The following DSCAML1 variants were observed in gnomAD, a reference collection of about 807,000 sequenced individuals.
DSCAML1 encodes the protein cell adhesion molecule DSCAML1.
DSCAML1 carries 38 observed loss-of-function variants against 200.5 expected under a neutral mutation model. That is an observed-to-expected ratio of 0.19 (90% CI 0.15 to 0.25). The LOEUF (loss-of-function observed/expected upper bound fraction) is 0.25, where lower values mean the gene tolerates loss of function less well. Ranked by LOEUF, DSCAML1 falls within the 10% of genes least tolerant of loss-of-function variation. The pLI, the probability that DSCAML1 is intolerant of heterozygous loss-of-function variation, is 1.00. For missense variants in DSCAML1, 2,223 were observed against 2,858.8 expected, an observed-to-expected ratio of 0.78 and a Z score of 5.07; for synonymous variants, 1,215 against 1,165.0, an observed-to-expected ratio of 1.04 and a Z score of -0.87.
intron 3 of DSCAML1, among the ~76,000 whole-genome samples, chr11:117,636,839 C>G (rs537685236): frequency 1.4e-4 from 21 of 152,286 alleles, no homozygotes; most frequent in Admixed American, 3.3e-4. Context: ...ATGAAAAGAG[C>G]CTGGTACAGT....
intron 3 of DSCAML1, among the ~76,000 whole-genome samples, chr11:117,762,438 G>GT (rs1005236591): frequency 8.6e-5 from 13 of 151,740 alleles, no homozygotes; most frequent in South Asian, 2.1e-4. Flanking sequence ...CTGTCAATAA[G>GT]TTTTTTTTTC....
At chr11:117,653,543 T>A (rs1390741353) in intron 3 of DSCAML1, among the ~76,000 whole-genome samples, 1 of 152,090 alleles carries the variant, frequency 6.6e-6, no homozygotes, top group Non-Finnish European at 1.5e-5. Context: ...TAGGTGAGGA[T>A]TTAAGAGAGG....
At chr11:117,793,158 T>G (rs2055505738) in intron 1 of DSCAML1, among the ~76,000 whole-genome samples, 1 of 152,132 alleles carries the variant, frequency 6.6e-6, no homozygotes, top group African/African-American at 2.4e-5. Context: ...ATATGCAGAT[T>G]ATATGCAAAT....
intron 4 of DSCAML1, among the ~76,000 whole-genome samples, chr11:117,529,590 G>A (rs761584472): frequency 2.9e-4 from 44 of 152,002 alleles, no homozygotes; most frequent in Non-Finnish European, 5.0e-4. Flanking sequence ...CCCACCCCCA[G>A]CAACTTTAGC....
intron 1 of DSCAML1, among the ~76,000 whole-genome samples, chr11:117,795,521 C>CG (rs1264018376): frequency 6.6e-6 from 1 of 151,740 alleles, no homozygotes; most frequent in Non-Finnish European, 1.5e-5. Flanking sequence ...GAGTGCGATG[C>CG]GGGGGGCAAG....
rs773361546 is a variant in DSCAML1 at position 117,807,812 on chromosome 11, T to G, written c.-250+9578A>C. On this transcript the variant is annotated intron_variant, in intron 1 of 2. Coordinates refer to the DSCAML1 transcript ENST00000525836. ...AAGGGTTTCTCCTTTGAAAACTCAGTCTGGTTCTGGCTTTCGTCGGAGTTA... is the reference window on the plus strand; with the variant it reads ...AAGGGTTTCTCCTTTGAAAACTCAGGCTGGTTCTGGCTTTCGTCGGAGTTA... 3.2e-4 allele frequency among the ~76,000 whole-genome samples: 49 copies of G among 152,164 alleles called. 1 individual carries two copies. Among genetic ancestry groups the G allele is most frequent in the Non-Finnish European group, 8.8e-5 (6 of 68,022 alleles).
intron 7 of DSCAML1, among the ~76,000 whole-genome samples, chr11:117,517,493 G>A (rs1204570960): frequency 1.3e-5 from 2 of 152,080 alleles, no homozygotes; most frequent in African/African-American, 2.4e-5. Flanking sequence ...TCCAGGGCCC[G>A]ACTGGGAAAT....
At chr11:117,808,827 A>G (rs1271095552) in intron 1 of DSCAML1, among the ~76,000 whole-genome samples, 1 of 152,106 alleles carries the variant, frequency 6.6e-6, no homozygotes, top group Non-Finnish European at 1.5e-5. Context: ...TCCCTCACCC[A>G]CTTTACATGT....
chr11:117,547,034 A>G (rs1383814457), intron 3 of DSCAML1, among the ~76,000 whole-genome samples: 1 of 152,142 alleles, frequency 6.6e-6, no homozygotes, highest in Non-Finnish European at 1.5e-5. Flanking sequence ...CTGAGAGAGG[A>G]AGATGAAAAA....
chr11:117,603,380 G>A (rs1366111615), intron 3 of DSCAML1, among the ~76,000 whole-genome samples: 3 of 152,218 alleles, frequency 2.0e-5, no homozygotes, highest in East Asian at 3.9e-4. Context: ...ACATGGTGGC[G>A]AAGAGCTCTG....
intron 3 of DSCAML1, among the ~76,000 whole-genome samples, chr11:117,741,738 C>T (rs1447014762): frequency 1.3e-5 from 2 of 152,218 alleles, no homozygotes; most frequent in East Asian, 3.9e-4. Flanking sequence ...CCCCATGAAG[C>T]TGCAGGCCTC....
intron 17 of DSCAML1, among the ~76,000 whole-genome samples, chr11:117,464,323 T>A (rs1056065864): frequency 2.0e-5 from 3 of 152,220 alleles, no homozygotes; most frequent in Admixed American, 2.0e-4. Context: ...TGGTGCGGGC[T>A]CAGGTACCAG....
intron 3 of DSCAML1, among the ~76,000 whole-genome samples, chr11:117,704,913 C>T (rs1035989056): frequency 6.6e-6 from 1 of 152,068 alleles, no homozygotes; most frequent in Non-Finnish European, 1.5e-5. Flanking sequence ...ACTGGAAAAG[C>T]ATTTCCATTT....
chr11:117,505,439 C>T lies in DSCAML1; in HGVS notation c.2062+15G>A. On this transcript the variant is annotated intron_variant, in intron 9 of 32. Coordinates refer to ENST00000651296, the MANE Select transcript of DSCAML1 (RefSeq NM_020693.4). This position sits in a 1 kb window ranked among gnomAD's most constrained non-coding sequence, Gnocchi z 6.7. ...GGGCTCCTCCCTCCCCTGAGGCTGG[C>T]CTGTCCCTGCTCACCACGCACGATG... 7 of 1,604,630 alleles carry T rather than the reference C, an allele frequency of 4.4e-6. No homozygotes were observed. Among genetic ancestry groups the T allele is most frequent in the Non-Finnish European group, 4.2e-6 (5 of 1,178,048 alleles).
intron 1 of DSCAML1, among the ~76,000 whole-genome samples, chr11:117,794,032 G>GCC (rs11301503): frequency 4.2e-4 from 60 of 142,696 alleles, no homozygotes; most frequent in African/African-American, 9.6e-4. Flanking sequence ...TTTCCCCATT[G>GCC]CCCCCCCCCC....
chr11:117,710,008 C>T (rs1256185965), intron 3 of DSCAML1, among the ~76,000 whole-genome samples: 1 of 152,200 alleles, frequency 6.6e-6, no homozygotes, highest in African/African-American at 2.4e-5. Flanking sequence ...GCTGTTGGGG[C>T]AAGGATGGCT....
At chr11:117,485,240 T>C (rs2049021385) in intron 11 of DSCAML1, among the ~76,000 whole-genome samples, 2 of 152,210 alleles carry the variant, frequency 1.3e-5, no homozygotes, top group African/African-American at 4.8e-5. Context: ...GCCTTTCTAG[T>C]CAGCTTTGTT....
At chr11:117,512,891 G>C (rs1043806788) in intron 8 of DSCAML1, among the ~76,000 whole-genome samples, 6 of 151,868 alleles carry the variant, frequency 4.0e-5, no homozygotes, top group Non-Finnish European at 7.4e-5. Context: ...GCGAGTCGCC[G>C]AGACGGAATG....
chr11:117,658,291 G>A (rs1490425052), intron 3 of DSCAML1, among the ~76,000 whole-genome samples: 2 of 152,180 alleles, frequency 1.3e-5, no homozygotes, highest in Non-Finnish European at 2.9e-5. Flanking sequence ...AGCTTGAACA[G>A]TTTGCCAGCG....
Sources: allele counts gnomAD v4.1 joint callset (sites outside exome capture counted in the v4.1 genomes callset), GRCh38; gene constraint gnomAD v4.1.1; non-coding constraint Gnocchi (gnomAD v3.1); transcripts MANE v1.5; gene names NCBI Gene and HGNC (gene_info 2026-07-23, HGNC 2026-07-21).